STK35: variants seen among roughly 807,000 people sequenced by gnomAD.
The protein encoded by STK35 is serine/threonine kinase 35.
STK35 carries 17 observed loss-of-function variants against 37.3 expected under a neutral mutation model. The ratio of observed to expected loss-of-function variants is 0.46; its 90% CI spans 0.31 to 0.68. STK35 has a LOEUF of 0.68. STK35 is among the 30% of genes least tolerant of loss of function. The pLI, the probability that STK35 is intolerant of heterozygous loss-of-function variation, is 0.05. For missense variants in STK35, 595 were observed against 746.7 expected (o/e 0.80, Z 2.37); for synonymous variants, 385 against 319.1 (o/e 1.21, Z -2.20).
At chr20:2,118,098 C>T (rs1290997458) in intron 3 of STK35, among the ~76,000 whole-genome samples, 1 of 152,160 alleles carries the variant, frequency 6.6e-6, no homozygotes, top group African/African-American at 2.4e-5. Flanking sequence ...CATCCGGTTC[C>T]ACATAGTTTA....
At chr20:2,126,594 T>C (rs1454764093) in intron 3 of STK35, among the ~76,000 whole-genome samples, 5 of 152,170 alleles carry the variant, frequency 3.3e-5, no homozygotes, top group Admixed American at 3.3e-4. Flanking sequence ...CAAGGCTCTG[T>C]CTTGATTAGG....
At chr20:2,124,589 C>CT (rs1249290381) in intron 3 of STK35, among the ~76,000 whole-genome samples, 1 of 152,152 alleles carries the variant, frequency 6.6e-6, no homozygotes, top group African/African-American at 2.4e-5. Flanking sequence ...CCCTGAGGTT[C>CT]TTTGAGTCCC....
chr20:2,132,715 G>T (rs1168485985), intron 3 of STK35, among the ~76,000 whole-genome samples: 3 of 152,228 alleles, frequency 2.0e-5, no homozygotes, highest in Non-Finnish European at 4.4e-5. Flanking sequence ...ATAGGAAGAT[G>T]AGAAACCTTT....
rs1019280350 is a variant in STK35 at position 2,116,655 on chromosome 20, C to G, written c.893-11C>G. 6.2e-7 allele frequency: 1 copy of G among 1,605,546 alleles called. No homozygotes were observed. The highest frequency in any genetic ancestry group is 1.3e-5 in the African/African-American group (1 of 74,566). On this transcript the variant is annotated splice_polypyrimidine_tract_variant and intron_variant, in intron 2 of 3. Coordinates refer to ENST00000381482, the MANE Select transcript of STK35 (RefSeq NM_080836.4). ...TCTCACTCAAGCTCCTTCCTGTCTT[C>G]TTTGATTTAGGAGAAAGGATCCTGG...
In STK35 at chr20:2,102,833, C is replaced by T. The variant is rs780431252; in HGVS notation, c.360C>T (p.Ala120=). The T allele has an allele frequency of 1.3e-4, 198 of 1,531,510 alleles. No homozygotes were observed. The highest frequency in any genetic ancestry group is 1.6e-4 in the Non-Finnish European group (189 of 1,146,322). The allele number at this position is 1,531,510 out of a possible 1,614,324, so 94.9% of individuals were successfully genotyped here. ...GACGGAGGGATGAGGCAGGGGGGGC[C>T]CGGGCAGCGCCGTTGCTGCTCCCCC... ...RAGRRDEAGG[A]RAAPLLLPPP... is the part of the protein sequence containing the mutation. The change falls in exon 2 of 4, where the codon GCC becomes GCT. Residue 120 remains alanine (A), a synonymous_variant. Transcript: ENST00000381482.
rs867782162 is a variant in STK35 at position 2,102,120 on chromosome 20, A to G, written c.239A>G (p.Gln80Arg). ...RQPGPGADHPQAGAPGGKRAA... is the reference protein window; with the variant it reads ...RQPGPGADHPRAGAPGGKRAA... ...CCCGGGCCCGGAGCGGACCATCCCC[A>G]GGCAGGGGCTCCAGGGGGGAAACGG... The change falls in exon 1 of 4, where the codon CAG becomes CGG. Residue 80 changes from glutamine (Q) to arginine (R), a missense_variant. Coordinates refer to ENST00000381482, the MANE Select transcript of STK35 (RefSeq NM_080836.4). 7.0e-7 allele frequency: 1 copy of G among 1,429,944 alleles called. No individual in the cohort carries two copies. The highest frequency in any genetic ancestry group is 9.2e-7 in the Non-Finnish European group (1 of 1,089,888). The allele number at this position is 1,429,944 out of a possible 1,614,324, so 88.6% of individuals were successfully genotyped here. A position where few individuals can be genotyped will look rare whatever the true frequency, so the allele number is the denominator to read the frequency against.
intron 3 of STK35, among the ~76,000 whole-genome samples, chr20:2,120,161 G>C: frequency 6.6e-6 from 1 of 152,198 alleles, no homozygotes; most frequent in South Asian, 2.1e-4. Flanking sequence ...CTCTGGCATA[G>C]GAAGGTTGTC....
chr20:2,109,332 G>A (rs183004095), intron 2 of STK35, among the ~76,000 whole-genome samples: 34 of 152,302 alleles, frequency 2.2e-4, no homozygotes, highest in Non-Finnish European at 3.7e-4. Flanking sequence ...ACTTGAGCCC[G>A]GACTGCCATG....
intron 2 of STK35, 26 bp from the exon 3 acceptor site, chr20:2,116,640 G>C: frequency 6.3e-7 from 1 of 1,597,706 alleles, no homozygotes; most frequent in East Asian, 2.2e-5. Flanking sequence ...TCTCACTCAA[G>C]CTCCTTCCTG....
intron 3 of STK35, among the ~76,000 whole-genome samples, chr20:2,142,355 C>T (rs1986185786): frequency 6.6e-6 from 1 of 152,054 alleles, no homozygotes; most frequent in African/African-American, 2.4e-5. Context: ...GAGGACTGGC[C>T]AGGTCCCTTC....
intron 3 of STK35, among the ~76,000 whole-genome samples, chr20:2,133,177 T>C (rs1020823854): frequency 6.6e-6 from 1 of 152,170 alleles, no homozygotes; most frequent in African/African-American, 2.4e-5. Context: ...TCTCTGTGGG[T>C]GTGACCTTCT....
In STK35 at chr20:2,146,143, C is replaced by A. The variant is rs895994952; in HGVS notation, c.*2397C>A. 2 of 152,210 alleles carry A rather than the reference C, an allele frequency of 1.3e-5. No individual in the cohort carries two copies. The highest frequency in any genetic ancestry group is 4.8e-5 in the African/African-American group (2 of 41,438). 9.4% of individuals were successfully genotyped at this position (152,210 alleles called of 1,614,324 possible). ...GCATAAATGCAGGCCAGCGTTTTAG[C>A]CCCAAGTGCCTGCCCTTGCTTCTTA... is the stretch of plus-strand genomic sequence containing the variant. On this transcript the variant is annotated 3_prime_UTR_variant, in exon 4 of 4. Coordinates refer to ENST00000381482, the MANE Select transcript of STK35 (RefSeq NM_080836.4).
At chr20:2,128,613 T>G (rs1297357963) in intron 3 of STK35, among the ~76,000 whole-genome samples, 1 of 152,078 alleles carries the variant, frequency 6.6e-6, no homozygotes. Flanking sequence ...AGGAAACAAT[T>G]TAACCTCTCC....
intron 3 of STK35, among the ~76,000 whole-genome samples, chr20:2,131,066 A>T (rs924424817): frequency 2.6e-5 from 4 of 152,162 alleles, no homozygotes; most frequent in Admixed American, 2.6e-4. Flanking sequence ...AATGACGGGG[A>T]TATATTCTGA....
At chr20:2,127,286 C>A (rs1985922941) in intron 3 of STK35, among the ~76,000 whole-genome samples, 1 of 150,846 alleles carries the variant, frequency 6.6e-6, no homozygotes, top group African/African-American at 2.4e-5. Flanking sequence ...TTTGGATGTG[C>A]TTAAGACAAG....
intron 3 of STK35, among the ~76,000 whole-genome samples, chr20:2,120,278 A>G (rs1985793608): frequency 6.6e-6 from 1 of 152,224 alleles, no homozygotes; most frequent in African/African-American, 2.4e-5. Context: ...GCTGTTTTGC[A>G]GGGCAGTTTT....
intron 2 of STK35, among the ~76,000 whole-genome samples, chr20:2,110,560 T>TG (rs1464677507): frequency 6.6e-6 from 1 of 152,188 alleles, no homozygotes; most frequent in Non-Finnish European, 1.5e-5. Context: ...TTGGTGTGTG[T>TG]TTTTTTGTTG....
At chr20:2,133,283 G>A (rs555595342) in intron 3 of STK35, among the ~76,000 whole-genome samples, 1 of 152,268 alleles carries the variant, frequency 6.6e-6, no homozygotes, top group South Asian at 2.1e-4. Flanking sequence ...TCTTCCTCCT[G>A]GCAAGGGCCC....
chr20:2,135,818 C>T (rs1338859609), intron 3 of STK35, among the ~76,000 whole-genome samples: 2 of 152,170 alleles, frequency 1.3e-5, no homozygotes, highest in African/African-American at 4.8e-5. Context: ...CTGCTGCGCT[C>T]CAGCTTGGGC....
Sources: allele counts gnomAD v4.1 joint callset (sites outside exome capture counted in the v4.1 genomes callset), GRCh38; gene constraint gnomAD v4.1.1; transcripts MANE v1.5; gene names NCBI Gene and HGNC (gene_info 2026-07-23, HGNC 2026-07-21).